The following CXADR variants were observed in gnomAD, a reference collection of about 807,000 sequenced individuals.
CXADR encodes coxsackievirus and adenovirus receptor.
Under a neutral mutation model 40.3 loss-of-function variants are expected in CXADR, and 20 were observed. The ratio of observed to expected loss-of-function variants is 0.50; its 90% CI spans 0.35 to 0.72. The LOEUF is 0.72. Among genes scored for constraint, CXADR ranks in the 30% least tolerant of loss-of-function variants. CXADR has a pLI of 0.01. For missense variants in CXADR, 332 were observed against 449.1 expected (o/e 0.74, Z 2.36); for synonymous variants, 150 against 161.3 (o/e 0.93, Z 0.53).
chr21:17,591,134 G>T (rs1267688057), intron 7 of CXADR, among the ~76,000 whole-genome samples: 1 of 151,952 alleles, frequency 6.6e-6, no homozygotes, highest in African/African-American at 2.4e-5. Flanking sequence ...GTAACAAAAT[G>T]AATCTGATGG....
chr21:17,544,056 C>T (rs2060862625), intron 1 of CXADR, among the ~76,000 whole-genome samples: 1 of 152,058 alleles, frequency 6.6e-6, no homozygotes, highest in African/African-American at 2.4e-5. Flanking sequence ...AAGTCAGTTT[C>T]ACCATAAAAT....
chr21:17,525,828 A>G (rs1397504887), intron 1 of CXADR, among the ~76,000 whole-genome samples: 1 of 152,228 alleles, frequency 6.6e-6, no homozygotes, highest in Non-Finnish European at 1.5e-5. Flanking sequence ...TATAGGAAAC[A>G]AGTCCTAAAG....
chr21:17,573,618 C>T (rs1437510868), downstream of CXADR, among the ~76,000 whole-genome samples: 2 of 152,130 alleles, frequency 1.3e-5, no homozygotes, highest in Admixed American at 1.3e-4. Context: ...GTAGTTGAAA[C>T]GGTTATGAGG....
chr21:17,578,798 G>T (rs368312298), intron 7 of CXADR, among the ~76,000 whole-genome samples: 4 of 152,088 alleles, frequency 2.6e-5, no homozygotes, highest in East Asian at 1.9e-4. Context: ...CTCCAGCCTG[G>T]GTGACAGAGC....
chr21:17,589,582 AT>A (rs57696814), intron 7 of CXADR, among the ~76,000 whole-genome samples: 82,857 of 149,736 alleles, frequency 0.55, 25,212 homozygotes, highest in African/African-American at 0.83. Flanking sequence ...TAGGCATACC[AT>A]TTTTTTTTTT....
intron 4 of CXADR, among the ~76,000 whole-genome samples, chr21:17,560,291 A>C (rs9980694): frequency 0.14 from 21,089 of 152,122 alleles, 2,690 homozygotes; most frequent in African/African-American, 0.34. Context: ...CCAATCTGGG[A>C]GTCCTCTTCT....
the CXADR span, among the ~76,000 whole-genome samples, chr21:17,632,840 C>CTGGGCGACAGAG: frequency 6.6e-6 from 1 of 152,086 alleles, no homozygotes; most frequent in African/African-American, 2.4e-5. Flanking sequence ...GCACTCCAGC[C>CTGGGCGACAGAG]TGGGCGACAG....
At chr21:17,559,746 T>C (rs1601019461) in intron 4 of CXADR, among the ~76,000 whole-genome samples, 1 of 146,788 alleles carries the variant, frequency 6.8e-6, no homozygotes, top group South Asian at 2.2e-4. Context: ...TGGTAGAATC[T>C]CGGCTCCCTG....
chr21:17,515,353 TG>T (rs1288002162), intron 1 of CXADR, among the ~76,000 whole-genome samples: 8 of 152,010 alleles, frequency 5.3e-5, no homozygotes, highest in African/African-American at 1.7e-4. Context: ...GAGGCTGAGA[TG>T]GGAGGTTTGC....
chr21:17,582,547 A>G (rs2061368927), intron 7 of CXADR, among the ~76,000 whole-genome samples: 1 of 152,130 alleles, frequency 6.6e-6, no homozygotes, highest in Admixed American at 6.5e-5. Context: ...TCATGTGTTT[A>G]TCTCCTATCT....
intron 1 of CXADR, among the ~76,000 whole-genome samples, chr21:17,514,678 G>A (rs1014348474): frequency 6.6e-6 from 1 of 151,412 alleles, no homozygotes; most frequent in Non-Finnish European, 1.5e-5. Context: ...TTGTTGCACA[G>A]GCTGGAGTGC....
the CXADR span, chr21:17,609,255 C>A: frequency 9.1e-7 from 1 of 1,094,044 alleles, no homozygotes; most frequent in Non-Finnish European, 1.3e-6. Context: ...CTTCCTCCTT[C>A]CAATTTTATC....
chr21:17,609,117 A>C, the CXADR span: 408 of 1,610,592 alleles, frequency 2.5e-4, no homozygotes, highest in East Asian at 4.2e-4. Context: ...GTGAAAAAGA[A>C]GACAACGGCA....
intron 7 of CXADR, among the ~76,000 whole-genome samples, chr21:17,580,281 T>G (rs549200172): frequency 1.3e-5 from 2 of 152,364 alleles, no homozygotes; most frequent in South Asian, 2.1e-4. Flanking sequence ...AAAACACTTA[T>G]GTTCACTCTC....
exon 8 of CXADR, chr21:17,593,272 T>G: frequency 8.0e-7 from 1 of 1,243,062 alleles, no homozygotes; most frequent in Non-Finnish European, 1.0e-6. Context: ...AAATGTTTTT[T>G]AAAAAAAGCA....
downstream of CXADR, among the ~76,000 whole-genome samples, chr21:17,595,708 A>G (rs1011011451): frequency 2.6e-5 from 4 of 152,040 alleles, no homozygotes; most frequent in African/African-American, 9.7e-5. Flanking sequence ...ATGATACACA[A>G]CGAACAAAAC....
Position 17,561,018 on chromosome 21 carries a change from G to T in CXADR, c.694+194G>T, listed in dbSNP as rs140923678. On this transcript the variant is annotated intron_variant, in intron 5 of 6. Coordinates refer to ENST00000284878, the MANE Select transcript of CXADR (RefSeq NM_001338.5). ...CATAATTGCAATGATATATTAAGAA[G>T]GTAAGAGTTGTCAAATCAACCCTTG... 1.6e-4 allele frequency among the ~76,000 whole-genome samples: 25 copies of T among 152,210 alleles called. No individual in the cohort carries two copies. In the East Asian group the frequency reaches 4.2e-3, roughly 26 times the overall value.
intron 1 of CXADR, among the ~76,000 whole-genome samples, chr21:17,544,493 G>C (rs895523870): frequency 7.2e-5 from 11 of 152,148 alleles, no homozygotes; most frequent in African/African-American, 2.7e-4. Flanking sequence ...ACTAGGCTAG[G>C]ATGGAAAATT....
intron 1 of CXADR, among the ~76,000 whole-genome samples, chr21:17,526,809 C>T (rs1445773874): frequency 6.6e-6 from 1 of 152,122 alleles, no homozygotes; most frequent in Non-Finnish European, 1.5e-5. Flanking sequence ...TTATAAGACA[C>T]TTCATCTGGG....
Sources: gnomAD v4.1 joint callset for allele counts (sites outside exome capture counted in the v4.1 genomes callset) on GRCh38, gnomAD v4.1.1 for gene constraint, MANE v1.5 for transcripts, NCBI Gene and HGNC (gene_info 2026-07-23, HGNC 2026-07-21) for gene names.